WDR72: variants seen among roughly 807,000 people sequenced by gnomAD.
WDR72 encodes WD repeat-containing protein 72.
Under a neutral mutation model 124.2 loss-of-function variants are expected in WDR72, and 120 were observed. The ratio of observed to expected loss-of-function variants is 0.97; its 90% CI spans 0.83 to 1.12. The LOEUF is 1.12. WDR72 is among the 50% of genes most tolerant of loss of function. WDR72 has a pLI of 0.00. For missense variants in WDR72, 1,387 were observed against 1,278.8 expected, an observed-to-expected ratio of 1.08 and a Z score of -1.29; for synonymous variants, 452 against 441.7, an observed-to-expected ratio of 1.02 and a Z score of -0.29.
intron 17 of WDR72, among the ~76,000 whole-genome samples, chr15:53,608,507 C>T (rs183209939): frequency 3.4e-4 from 51 of 152,190 alleles, no homozygotes; most frequent in African/African-American, 1.2e-3. Flanking sequence ...GTAATCCTAG[C>T]ACTTTGGAAG....
intron 4 of WDR72, among the ~76,000 whole-genome samples, chr15:53,716,253 GA>G (rs1044805049): frequency 1.3e-5 from 2 of 152,058 alleles, no homozygotes; most frequent in African/African-American, 2.4e-5. Flanking sequence ...AAATGAGGGA[GA>G]AAAAAACTGT....
In WDR72 at chr15:53,609,571, G is replaced by C. The variant is rs751091534; in HGVS notation, c.2894C>G (p.Pro965Arg). ...CTTCAAAAGTGAAAGGTCAGCCTCA[G>C]GTACATGGGATTCATTCTTACCTAG... is the stretch of plus-strand genomic sequence containing the variant. ...LRNGKNESHV[P>R]EADLSLLKLI... The change falls in exon 17 of 20, where the codon CCT (proline) becomes CGT (arginine). Residue 965 changes from proline (P) to arginine (R), a missense_variant. Pro to Arg is a moderately radical substitution (Grantham distance 103, BLOSUM62 -2). Transcript: ENST00000360509. The C allele has an allele frequency of 8.1e-6, 13 of 1,613,428 alleles. No homozygotes were observed. The highest frequency in any genetic ancestry group is 1.1e-5 in the Non-Finnish European group (13 of 1,179,600).
intron 14 of WDR72, among the ~76,000 whole-genome samples, chr15:53,617,060 G>A (rs182455487): frequency 1.6e-3 from 248 of 151,932 alleles, no homozygotes; most frequent in Middle Eastern, 6.8e-3. Flanking sequence ...CTCAATTAAT[G>A]TTTGTTGAAT....
intron 13 of WDR72, among the ~76,000 whole-genome samples, chr15:53,676,922 T>C (rs2016192443): frequency 7.1e-6 from 1 of 139,910 alleles, no homozygotes; most frequent in African/African-American, 2.9e-5. Context: ...GTGAAATTCT[T>C]GCTTTTTTTT....
intron 1 of WDR72, among the ~76,000 whole-genome samples, chr15:53,757,567 G>A (rs925765453): frequency 6.6e-6 from 1 of 152,008 alleles, no homozygotes; most frequent in African/African-American, 2.4e-5. Flanking sequence ...AGGGTGCAGT[G>A]AGCCGAGATA....
At chr15:53,667,962 T>A (rs1317549845) in intron 13 of WDR72, among the ~76,000 whole-genome samples, 3 of 152,184 alleles carry the variant, frequency 2.0e-5, no homozygotes, top group Non-Finnish European at 4.4e-5. Context: ...AATTAATCTG[T>A]CTGAGCATCT....
In WDR72 at chr15:53,677,337, C is replaced by T. The variant is rs559983464; in HGVS notation, c.1766-11569G>A. Among the ~76,000 whole-genome samples the T allele has an allele frequency of 1.8e-4, 28 of 152,180 alleles. No homozygotes were observed. The South Asian group carries it at 5.4e-3, about 29-fold the overall frequency. On this transcript the variant is annotated intron_variant, in intron 13 of 19. Coordinates refer to ENST00000360509, the MANE Select transcript of WDR72 (RefSeq NM_182758.4). ...TATAACTCCTTCCCCTTTCTTACAC[C>T]CTAAGTACTATAAGCCATTCAGATA...
At chr15:53,578,860 T>A (rs1021859312) in intron 18 of WDR72, among the ~76,000 whole-genome samples, 1 of 152,128 alleles carries the variant, frequency 6.6e-6, no homozygotes, top group African/African-American at 2.4e-5. Context: ...CAACTAAGTC[T>A]CAAGGTGACA....
At chr15:53,561,687 G>C (rs754792457) in intron 18 of WDR72, among the ~76,000 whole-genome samples, 4 of 151,748 alleles carry the variant, frequency 2.6e-5, no homozygotes, top group Non-Finnish European at 4.4e-5. Flanking sequence ...GCCTACTCAA[G>C]TTTCAAAAGC....
intron 14 of WDR72, among the ~76,000 whole-genome samples, chr15:53,620,519 A>G (rs1395229252): frequency 6.6e-6 from 1 of 152,066 alleles, no homozygotes; most frequent in Non-Finnish European, 1.5e-5. Context: ...CTGATCTTCA[A>G]CAAAGCAAAC....
intron 13 of WDR72, among the ~76,000 whole-genome samples, chr15:53,694,520 T>TAGC (rs1422057966): frequency 6.6e-6 from 1 of 152,158 alleles, no homozygotes; most frequent in Non-Finnish European, 1.5e-5. Flanking sequence ...GGAGATCTTA[T>TAGC]AGCAGGCTTC....
chr15:53,752,958 C>T (rs1041169768), intron 1 of WDR72, among the ~76,000 whole-genome samples: 2 of 152,048 alleles, frequency 1.3e-5, no homozygotes, highest in African/African-American at 4.8e-5. Flanking sequence ...ACACAAGTTC[C>T]TGCCCTCTAG....
chr15:53,625,649 A>T (rs1205924555), intron 14 of WDR72, among the ~76,000 whole-genome samples: 3 of 152,206 alleles, frequency 2.0e-5, no homozygotes, highest in Admixed American at 1.3e-4. Context: ...TGCAAGTAGA[A>T]TCCCAGATGG....
intron 18 of WDR72, among the ~76,000 whole-genome samples, chr15:53,529,165 T>TATATATATA (rs1555404361): frequency 0.036 from 3,156 of 88,252 alleles, 49 homozygotes; most frequent in South Asian, 0.053. Context: ...TATATATATA[T>TATATATATA]TTTTTTTTTT....
intron 1 of WDR72, among the ~76,000 whole-genome samples, chr15:53,754,560 C>A (rs2018852384): frequency 6.6e-6 from 1 of 152,112 alleles, no homozygotes; most frequent in African/African-American, 2.4e-5. Context: ...TAAAGAAATT[C>A]TGTCCCTAGG....
intron 13 of WDR72, among the ~76,000 whole-genome samples, chr15:53,674,275 G>A (rs1318988167): frequency 2.0e-5 from 3 of 152,100 alleles, no homozygotes; most frequent in Admixed American, 6.5e-5. Flanking sequence ...ATTCATAAAA[G>A]TCAGGTTTCA....
chr15:53,636,254 C>T (rs923573497), intron 14 of WDR72, among the ~76,000 whole-genome samples: 1 of 152,124 alleles, frequency 6.6e-6, no homozygotes, highest in Non-Finnish European at 1.5e-5. Flanking sequence ...AGAAACTGAG[C>T]TGAAAATGTC....
chr15:53,616,749 G>C (rs1325929277), intron 14 of WDR72, among the ~76,000 whole-genome samples: 2 of 151,912 alleles, frequency 1.3e-5, no homozygotes, highest in South Asian at 4.1e-4. Flanking sequence ...TTGTTGACTT[G>C]CATTTGATTT....
chr15:53,735,851 G>A (rs1398625183), intron 1 of WDR72, among the ~76,000 whole-genome samples: 1 of 151,672 alleles, frequency 6.6e-6, no homozygotes, highest in Non-Finnish European at 1.5e-5. Context: ...ATAGACAAAA[G>A]ATGAAATTAA....
Sources: allele counts gnomAD v4.1 joint callset (sites outside exome capture counted in the v4.1 genomes callset), GRCh38; gene constraint gnomAD v4.1.1; transcripts MANE v1.5; gene names NCBI Gene and HGNC (gene_info 2026-07-23, HGNC 2026-07-21).